Variants in NLRC5 observed in about 807,000 individuals in gnomAD.
NLRC5 encodes protein NLRC5.
NLRC5 carries 114 observed loss-of-function variants against 206.9 expected under a neutral mutation model. The observed-to-expected ratio is 0.55, with a 90% CI of 0.47 to 0.64. The LOEUF (loss-of-function observed/expected upper bound fraction) is 0.64. Ranked by LOEUF, NLRC5 falls within the 30% of genes least tolerant of loss-of-function variation. NLRC5 has a pLI of 0.00. For missense variants in NLRC5, 2,008 were observed against 2,305.5 expected (o/e 0.87, Z 2.64); for synonymous variants, 952 against 962.8 (o/e 0.99, Z 0.21).
Position 57,069,899 on chromosome 16 carries a change from C to T in NLRC5, c.4563C>T (p.Cys1521=), listed in dbSNP as rs2067443155. 1 of 1,585,394 alleles carries T rather than the reference C, an allele frequency of 6.3e-7. No homozygotes were observed. Among genetic ancestry groups the T allele is most frequent in the East Asian group, 2.3e-5 (1 of 43,648 alleles). The change falls in exon 37 of 49, where the codon TGC becomes TGT. Residue 1521 remains cysteine, a synonymous_variant. Coordinates refer to ENST00000688547, the MANE Select transcript of NLRC5 (RefSeq NM_001384950.1). ...ACCTGGCATCTGGTCTGGGCCACTGCCACCACTTGGAGGAGCTGGAGTGAG... is the reference window on the plus strand; with the variant it reads ...ACCTGGCATCTGGTCTGGGCCACTGTCACCACTTGGAGGAGCTGGAGTGAG... The part of the protein sequence containing the change: ...LAHLASGLGH[C]HHLEELDLSN...
At chr16:57,010,374 T>A (rs1019608844) in intron 1 of NLRC5, among the ~76,000 whole-genome samples, 33 of 152,144 alleles carry the variant, frequency 2.2e-4, no homozygotes, top group Admixed American at 9.8e-4. Flanking sequence ...TGAATAACTT[T>A]TTAATTTTTT....
rs2067444326 is a variant in NLRC5 at position 57,069,914 on chromosome 16, G to A, written c.4578G>A (p.Glu1526=). ...SGLGHCHHLE[E]LDLSNNQFDE... is the part of the protein sequence containing the mutation. ...TGGGCCACTGCCACCACTTGGAGGA[G>A]CTGGAGTGAGTTGCAGAGTGGAGGG... The change falls in exon 37 of 49, where the codon GAG becomes GAA. Residue 1526 remains glutamate, a synonymous_variant. Transcript: ENST00000688547. 1 of 1,575,060 alleles carries A rather than the reference G, an allele frequency of 6.3e-7. No individual in the cohort carries two copies.
rs371576531 is a variant in NLRC5, at chr16:57,030,065, G to T, written c.2398G>T (p.Val800Phe). ...LARVAVTCPT[V>F]RMLQAREADL... ...AAGGGTGGCAGTCACGTGTCCTACC[G>T]TCAGGATGCTTCAGGCCAGGTGAGC... Residue 800 changes from valine to phenylalanine, a missense_variant, in exon 10 of 49, where the codon GTC becomes TTC. Physicochemically the swap from Val to Phe is conservative, Grantham distance 50. Transcript: ENST00000688547. The T allele has an allele frequency of 6.2e-7, 1 of 1,614,058 alleles. No homozygotes were observed. Among genetic ancestry groups the T allele is most frequent in the Non-Finnish European group, 8.5e-7 (1 of 1,179,978 alleles).
At chr16:57,080,006 G>A (rs2068929375) in intron 46 of NLRC5, among the ~76,000 whole-genome samples, 1 of 152,152 alleles carries the variant, frequency 6.6e-6, no homozygotes, top group Non-Finnish European at 1.5e-5. Context: ...GGTAGAAACA[G>A]TGGCTAAAGC....
rs2069345359 is a variant in NLRC5 at position 57,083,251 on chromosome 16, G to C, written c.*723G>C. 6.6e-6 allele frequency: 1 copy of C among 152,324 alleles called. No individual in the cohort carries two copies. Among genetic ancestry groups the C allele is most frequent in the Admixed American group, 6.5e-5 (1 of 15,286 alleles). The allele number at this position is 152,324 out of a possible 1,614,324, so 9.4% of individuals were successfully genotyped here. On this transcript the variant is annotated 3_prime_UTR_variant, in exon 49 of 49. Transcript: ENST00000688547. ...CCCTTACTTACATACTAGCTTCCAA[G>C]GACAGGTGGAGGTAGGGCCAGCCTG...
intron 3 of NLRC5, 125 bp downstream of exon 3, chr16:57,021,132 T>G: frequency 1.2e-6 from 1 of 829,594 alleles, no homozygotes; most frequent in Non-Finnish European, 1.9e-6. Context: ...CTCAACTCTA[T>G]ATTTCTGGAC....
At chr16:57,007,996 G>T (rs2059104477) in intron 1 of NLRC5, among the ~76,000 whole-genome samples, 1 of 152,052 alleles carries the variant, frequency 6.6e-6, no homozygotes, top group South Asian at 2.1e-4. Flanking sequence ...ATTTATATCT[G>T]ATCAGTTTCA....
chr16:57,071,814 A>G (rs74204217), intron 38 of NLRC5, among the ~76,000 whole-genome samples: 14,039 of 146,952 alleles, frequency 0.096, 1,494 homozygotes, highest in African/African-American at 0.26. Context: ...TGAGTGAGGG[A>G]TGACAGTGGT....
intron 32 of NLRC5, among the ~76,000 whole-genome samples, chr16:57,063,888 G>A (rs974299170): frequency 7.3e-5 from 11 of 151,670 alleles, no homozygotes; most frequent in African/African-American, 1.7e-4. Flanking sequence ...ACAGGTGCCC[G>A]CCACCACGCC....
chr16:57,077,479 C>G, intron 41 of NLRC5, 100 bp downstream of exon 41: 1 of 1,189,298 alleles, frequency 8.4e-7, no homozygotes, highest in South Asian at 1.4e-5. Context: ...ATCTCCCCTG[C>G]GCCAACCTCA....
At chr16:57,022,140 C>G (rs2060739112) in intron 3 of NLRC5, 116 bp from the exon 4 acceptor site, 1 of 731,488 alleles carries the variant, frequency 1.4e-6, no homozygotes, top group Non-Finnish European at 2.2e-6. Flanking sequence ...CCATTTAGTT[C>G]TCCCTTGCTG....
At chr16:57,073,537 A>G (rs1375428846) in intron 38 of NLRC5, among the ~76,000 whole-genome samples, 1 of 150,916 alleles carries the variant, frequency 6.6e-6, no homozygotes, top group African/African-American at 2.4e-5. Context: ...TCCAGGAAAA[A>G]CTCTTCTGTT....
intron 12 of NLRC5, 71 bp from the exon 13 acceptor site, chr16:57,034,097 T>C: frequency 7.6e-7 from 1 of 1,318,872 alleles, no homozygotes; most frequent in Non-Finnish European, 1.1e-6. Context: ...TCCCCCAGCA[T>C]TGGAAGCTGG....
At chr16:57,039,972 G>A (rs925054135) in intron 16 of NLRC5, 123 bp downstream of exon 16, 25 of 875,386 alleles carry the variant, frequency 2.9e-5, no homozygotes, top group African/African-American at 1.7e-4. Context: ...ACGGAAGAGC[G>A]GGAAGTGAGC....
intron 19 of NLRC5, 37 bp downstream of exon 19, chr16:57,042,102 G>C (rs777463516): frequency 1.5e-6 from 2 of 1,362,026 alleles, no homozygotes; most frequent in Non-Finnish European, 2.0e-6. Context: ...TGAGGCTGGG[G>C]CAGGGGGGGA....
chr16:57,046,113 C>G (rs553542403), intron 21 of NLRC5, among the ~76,000 whole-genome samples: 2 of 152,278 alleles, frequency 1.3e-5, no homozygotes, highest in Admixed American at 1.3e-4. Flanking sequence ...TGTCAGGAGT[C>G]AGGGGTGGCT....
intron 39 of NLRC5, 59 bp downstream of exon 39, chr16:57,074,742 G>T: frequency 6.5e-7 from 1 of 1,528,534 alleles, no homozygotes; most frequent in Non-Finnish European, 9.1e-7. Context: ...CACTCAGTTG[G>T]GACCACATCC....
chr16:57,023,710 C>G (rs1432827095), intron 4 of NLRC5, 75 bp from the exon 5 acceptor site: 1 of 1,288,528 alleles, frequency 7.8e-7, no homozygotes, highest in East Asian at 2.5e-5. Context: ...GACTGGAGTT[C>G]CCCAAAGGTT....
chr16:57,050,543 G>A (rs1448408380), intron 23 of NLRC5, among the ~76,000 whole-genome samples: 1 of 152,184 alleles, frequency 6.6e-6, no homozygotes, highest in Non-Finnish European at 1.5e-5. Context: ...GGAGAACATA[G>A]TAGAGGTCTG....
Sources: gnomAD v4.1 joint callset for allele counts (sites outside exome capture counted in the v4.1 genomes callset) on GRCh38, gnomAD v4.1.1 for gene constraint, MANE v1.5 for transcripts, NCBI Gene and HGNC (gene_info 2026-07-23, HGNC 2026-07-21) for gene names.